The following HYOU1 variants were observed in gnomAD, a reference collection of about 807,000 sequenced individuals.
HYOU1 encodes the protein hypoxia up-regulated protein 1.
HYOU1 carries 40 observed loss-of-function variants against 120.5 expected under a neutral mutation model. The observed-to-expected ratio is 0.33, with a 90% CI of 0.26 to 0.43. The LOEUF (loss-of-function observed/expected upper bound fraction) is 0.43. Among genes scored for constraint, HYOU1 ranks in the 20% least tolerant of loss-of-function variants. HYOU1 has a pLI of 1.00. For synonymous variants in HYOU1, 501 were observed against 479.4 expected, an observed-to-expected ratio of 1.05 and a Z score of -0.59; for missense variants, 1,085 against 1,278.3, an observed-to-expected ratio of 0.85 and a Z score of 2.31.
Position 119,049,025 on chromosome 11 carries a change from T to A in HYOU1, c.1985A>T (p.Glu662Val). 6.2e-7 allele frequency: 1 copy of A among 1,614,138 alleles called. No homozygotes were observed. Among genetic ancestry groups the A allele is most frequent in the Non-Finnish European group, 8.5e-7 (1 of 1,179,976 alleles). Reference sequence around the variant, plus strand: ...TCCTCTGCCACAGCTCACCTGGGCCTCAGACTTGTCCCCATTTTCTTTTTC... The same window carrying A: ...TCCTCTGCCACAGCTCACCTGGGCCACAGACTTGTCCCCATTTTCTTTTTC... ...ATEKENGDKS[E>V]AQKPSEKAEA... The change falls in exon 17 of 26, where the codon GAG (glutamate) becomes GTG (valine). Residue 662 changes from glutamate to valine, a missense_variant. By Grantham distance (121) the Glu-to-Val change is moderately radical. This residue lies in a region of HYOU1 where 516 missense variants were observed against 517.1 expected (regional missense o/e 1.00). Transcript: ENST00000617285.
At chr11:119,049,288 G>A (rs2133571709) in intron 16 of HYOU1, 85 bp from the exon 17 acceptor site, 27 of 1,583,732 alleles carry the variant, frequency 1.7e-5, no homozygotes, top group Middle Eastern at 3.3e-4. Context: ...ACCCCATGGG[G>A]GTTCCATACA....
intron 22 of HYOU1, chr11:119,047,091 TGTTGCCAGGCTGGA>T (rs928254755): frequency 3.2e-6 from 1 of 314,852 alleles, no homozygotes; most frequent in African/African-American, 2.2e-5. Flanking sequence ...AGTCTCGCTC[TGTTGCCAGGCTGGA>T]GTGCAGTGGC....
chr11:119,048,355 G>A lies in HYOU1; in HGVS notation c.2269C>T (p.Pro757Ser), dbSNP rs1213938951. Residue 757 changes from proline (P) to serine (S), a missense_variant, in exon 20 of 26, where the codon CCC becomes TCC. Physicochemically the swap from Pro to Ser is moderately conservative, Grantham distance 74. Around this residue, in one of 4 missense-constraint regions of HYOU1, gnomAD observed 516 missense variants for 517.1 expected, o/e 1.00. Coordinates refer to ENST00000617285, the MANE Select transcript of HYOU1 (RefSeq NM_006389.5). This position sits in a 1 kb window ranked among gnomAD's most constrained non-coding sequence, Gnocchi z 4.7. ...TCTGTGGACACTTCCTGGTACTCGG[G>A]CTGGTACAGCTTGTCCTGGGGAGGG... ...IFETQDKLYQPEYQEVSTEEQ... is the reference protein window; with the variant it reads ...IFETQDKLYQSEYQEVSTEEQ... 1.2e-6 allele frequency: 2 copies of A among 1,609,426 alleles called. No individual in the cohort carries two copies. Among genetic ancestry groups the A allele is most frequent in the Non-Finnish European group, 1.7e-6 (2 of 1,179,922 alleles).
intron 21 of HYOU1, 43 bp downstream of exon 21, chr11:119,047,904 G>C: frequency 6.2e-7 from 1 of 1,613,990 alleles, no homozygotes; most frequent in South Asian, 1.1e-5. Context: ...ATGAAAACCA[G>C]TGGCCTTGGC....
intron 24 of HYOU1, among the ~76,000 whole-genome samples, chr11:119,046,050 C>T (rs1055106847): frequency 6.6e-6 from 1 of 152,136 alleles, no homozygotes; most frequent in Non-Finnish European, 1.5e-5. Flanking sequence ...CAACCTCTGC[C>T]TCCCAGGTTC....
intron 7 of HYOU1, 113 bp downstream of exon 7, chr11:119,054,381 G>C: frequency 1.6e-6 from 2 of 1,250,580 alleles, no homozygotes; most frequent in East Asian, 4.7e-5. Flanking sequence ...GGCTATTGGT[G>C]CATTTTGCCA....
rs1264524500 is a variant in HYOU1, at chr11:119,057,203, A to C, written c.-191T>G. On this transcript the variant is annotated 5_prime_UTR_variant, in exon 1 of 26. It removes an upstream start codon present in the reference 5' UTR. Transcript: ENST00000617285. ...CCGGCCCCGGACGCGGCGCGCGCTC[A>C]TTGGAGCCTCGGCCGCCCGGCCCTG... 6.7e-6 allele frequency: 1 copy of C among 149,744 alleles called. No individual in the cohort carries two copies. The highest frequency in any genetic ancestry group is 1.5e-5 in the Non-Finnish European group (1 of 67,358). 9.3% of individuals were successfully genotyped at this position (149,744 alleles called of 1,614,324 possible). A position where few individuals can be genotyped will look rare whatever the true frequency, so the allele number is the denominator to read the frequency against.
In HYOU1 at chr11:119,052,077, C is replaced by A. The variant is rs2133590031; in HGVS notation, c.1205+13G>T. 1.9e-6 allele frequency: 3 copies of A among 1,614,090 alleles called. No homozygotes were observed. In the Admixed American group the frequency reaches 5.0e-5, roughly 27 times the overall value. On this transcript the variant is annotated intron_variant, in intron 11 of 25. Transcript: ENST00000617285. This position sits in a 1 kb window ranked among gnomAD's most constrained non-coding sequence, Gnocchi z 5.0. The stretch of plus-strand genomic sequence containing the variant: ...GGCAGAACTCAGCCAAGCGCTCTAG[C>A]CCCCACACTCACTTGCCCACGGCCT...
chr11:119,051,361 C>T lies in HYOU1; in HGVS notation c.1526+77G>A, dbSNP rs1276918956. On this transcript the variant is annotated intron_variant, in intron 13 of 25. Coordinates refer to ENST00000617285, the MANE Select transcript of HYOU1 (RefSeq NM_006389.5). This position sits in a 1 kb window ranked among gnomAD's most constrained non-coding sequence, Gnocchi z 4.2. The stretch of plus-strand genomic sequence containing the variant: ...AGCCCCGCAGGCCCACATCCTCCCT[C>T]ACCCCCAGTCCTCAGATTATCCAGC... The T allele has an allele frequency of 7.2e-6, 11 of 1,532,006 alleles. No individual in the cohort carries two copies. The highest frequency in any genetic ancestry group is 9.8e-6 in the Non-Finnish European group (11 of 1,117,778). The allele number at this position is 1,532,006 out of a possible 1,614,324, so 94.9% of individuals were successfully genotyped here. A position where few individuals can be genotyped will look rare whatever the true frequency, so the allele number is the denominator to read the frequency against.
intron 14 of HYOU1, among the ~76,000 whole-genome samples, chr11:119,050,204 G>A (rs1373479882): frequency 1.3e-5 from 2 of 152,158 alleles, no homozygotes; most frequent in African/African-American, 4.8e-5. Context: ...TTGAGGTCAG[G>A]GGTTTGAGAC....
Position 119,055,077 on chromosome 11 carries a change from T to C in HYOU1, c.420-17A>G. ...TGCAGCTGCCTGAGGGGAAGGAAGGTAGTTGGAGCCAAGGAAAGCCAGGCA... is the reference window on the plus strand; with the variant it reads ...TGCAGCTGCCTGAGGGGAAGGAAGGCAGTTGGAGCCAAGGAAAGCCAGGCA... On this transcript the variant is annotated splice_polypyrimidine_tract_variant and intron_variant, in intron 5 of 25. Transcript: ENST00000617285. This position sits in a 1 kb window ranked among gnomAD's most constrained non-coding sequence, Gnocchi z 4.0. 1 of 1,613,508 alleles carries C rather than the reference T, an allele frequency of 6.2e-7. No individual in the cohort carries two copies. The highest frequency in any genetic ancestry group is 1.1e-5 in the South Asian group (1 of 91,054).
At position 119,055,853 on chromosome 11, in the gene HYOU1, A is replaced by C; in HGVS notation, c.92-10T>G. 6.2e-7 allele frequency: 1 copy of C among 1,611,948 alleles called. No individual in the cohort carries two copies. Among genetic ancestry groups the C allele is most frequent in the Non-Finnish European group, 8.5e-7 (1 of 1,177,988 alleles). On this transcript the variant is annotated splice_polypyrimidine_tract_variant and intron_variant, in intron 2 of 25. Transcript: ENST00000617285. This position sits in a 1 kb window ranked among gnomAD's most constrained non-coding sequence, Gnocchi z 4.0. ...ATCACTGCCAGTGTATCTGAAGGGAAAAGAGGTTTGTCAGTTAGCTCTCCC... is the reference window on the plus strand; with the variant it reads ...ATCACTGCCAGTGTATCTGAAGGGACAAGAGGTTTGTCAGTTAGCTCTCCC...
chr11:119,056,035 AT>A, intron 2 of HYOU1, 34 bp downstream of exon 2: 1 of 1,571,126 alleles, frequency 6.4e-7, no homozygotes, highest in Non-Finnish European at 8.8e-7. Context: ...TTCAGTCATC[AT>A]TTATCCATTT....
chr11:119,051,689 A>AAGGATGGGGGT lies in HYOU1; in HGVS notation c.1339-75_1339-65dup. 6.2e-7 allele frequency: 1 copy of AAGGATGGGGGT among 1,601,188 alleles called. No individual in the cohort carries two copies. Among genetic ancestry groups the AAGGATGGGGGT allele is most frequent in the South Asian group, 1.1e-5 (1 of 90,180 alleles). On this transcript the variant is annotated intron_variant, in intron 12 of 25. Coordinates refer to ENST00000617285, the MANE Select transcript of HYOU1 (RefSeq NM_006389.5). This position sits in a 1 kb window ranked among gnomAD's most constrained non-coding sequence, Gnocchi z 4.2. ...AGAGAACCCGAGTAGGTTCTGGGGT[A>AAGGATGGGGGT]AGGATGGGGGTGGGATGGGGGAGAC...
chr11:119,051,223 C>A lies in HYOU1; in HGVS notation c.1527-50G>T. The A allele has an allele frequency of 6.2e-7, 1 of 1,609,246 alleles. No homozygotes were observed. The highest frequency in any genetic ancestry group is 8.5e-7 in the Non-Finnish European group (1 of 1,177,124). ...CAGGGGGACCCACCCCAGCCCATCT[C>A]GCCCTCTAGACTACATGGCCTCCTG... On this transcript the variant is annotated intron_variant, in intron 13 of 25. Coordinates refer to ENST00000617285, the MANE Select transcript of HYOU1 (RefSeq NM_006389.5). This position sits in a 1 kb window ranked among gnomAD's most constrained non-coding sequence, Gnocchi z 4.2.
In HYOU1 at chr11:119,052,207, G is replaced by A. The variant is rs1006126843; in HGVS notation, c.1123-35C>T. ...GTAAGAATGACAGGTGCAACAGCAT[G>A]CAGTTAGCACTGACTCGTCCCTTGA... On this transcript the variant is annotated intron_variant, in intron 10 of 25. Transcript: ENST00000617285. This position sits in a 1 kb window ranked among gnomAD's most constrained non-coding sequence, Gnocchi z 5.0. The A allele has an allele frequency of 2.5e-6, 4 of 1,613,420 alleles. No homozygotes were observed. The highest frequency in any genetic ancestry group is 3.4e-6 in the Non-Finnish European group (4 of 1,179,388).
At chr11:119,049,881 CT>C (rs2133576314) in intron 14 of HYOU1, 44 bp from the exon 15 acceptor site, 1 of 1,561,186 alleles carries the variant, frequency 6.4e-7, no homozygotes, top group South Asian at 1.1e-5. Flanking sequence ...GCTAATCCAC[CT>C]TTTCTCCACA....
intron 14 of HYOU1, among the ~76,000 whole-genome samples, chr11:119,050,330 T>C (rs2133578264): frequency 1.3e-5 from 2 of 152,056 alleles, no homozygotes; most frequent in African/African-American, 2.4e-5. Flanking sequence ...GGAGAGTCAC[T>C]TGAACCCGGG....
In HYOU1 at chr11:119,048,077, A is replaced by G. The variant is rs2133560712; in HGVS notation, c.2380T>C (p.Leu794=). 4 of 1,614,018 alleles carry G rather than the reference A, an allele frequency of 2.5e-6. No homozygotes were observed. In the African/African-American group the frequency reaches 5.3e-5, roughly 22 times the overall value. The change falls in exon 21 of 26, where the codon TTG becomes CTG. Residue 794 remains leucine (L), a synonymous_variant. Coordinates refer to ENST00000617285, the MANE Select transcript of HYOU1 (RefSeq NM_006389.5). This position sits in a 1 kb window ranked among gnomAD's most constrained non-coding sequence, Gnocchi z 4.7. Reference sequence around the variant, plus strand: ...CTCAGCTCAGCCAGCTTCTCCTTCAACATCTGATGGATGTGCGATTGGGCA... The same window carrying G: ...CTCAGCTCAGCCAGCTTCTCCTTCAGCATCTGATGGATGTGCGATTGGGCA... ...DEGVGATTVM[L]KEKLAELRKL... is the part of the protein sequence containing the mutation.
Sources: gnomAD v4.1 joint callset for allele counts (sites outside exome capture counted in the v4.1 genomes callset) on GRCh38, gnomAD v4.1.1 for gene constraint, gnomAD v4.1.1 regional missense constraint, Gnocchi (gnomAD v3.1) non-coding constraint, MANE v1.5 for transcripts, NCBI Gene and HGNC (gene_info 2026-07-23, HGNC 2026-07-21) for gene names.